NRP2: variants seen among roughly 807,000 people sequenced by gnomAD.
NRP2 encodes neuropilin-2.
In NRP2, 52 loss-of-function variants were observed where a neutral mutation model predicts 110.4. The observed-to-expected ratio is 0.47, with a 90% CI of 0.38 to 0.59. NRP2 has a LOEUF of 0.59. Ranked by LOEUF, NRP2 falls within the 20% of genes least tolerant of loss-of-function variation. The pLI, the probability that NRP2 is intolerant of heterozygous loss-of-function variation, is 0.00. For synonymous variants in NRP2, 508 were observed against 468.9 expected, an observed-to-expected ratio of 1.08 and a Z score of -1.08; for missense variants, 1,049 against 1,203.0, an observed-to-expected ratio of 0.87 and a Z score of 1.89.
chr2:205,784,368 C>T (rs1486783681), intron 15 of NRP2, among the ~76,000 whole-genome samples: 1 of 152,228 alleles, frequency 6.6e-6, no homozygotes, highest in African/African-American at 2.4e-5. Flanking sequence ...TGTTTTCTTG[C>T]TGCCACCCAG....
chr2:205,714,398 G>A (rs1162782480), intron 2 of NRP2, among the ~76,000 whole-genome samples: 1 of 152,050 alleles, frequency 6.6e-6, no homozygotes, highest in African/African-American at 2.4e-5. Flanking sequence ...GGGTAGCAGA[G>A]CCTCTCAACC....
intron 12 of NRP2, among the ~76,000 whole-genome samples, chr2:205,755,205 G>C (rs1251647926): frequency 6.6e-6 from 1 of 152,136 alleles, no homozygotes; most frequent in Non-Finnish European, 1.5e-5. Flanking sequence ...CCTTCCAGTT[G>C]ATTCATTATA....
intron 1 of NRP2, among the ~76,000 whole-genome samples, chr2:205,690,007 C>T (rs1293563631): frequency 6.6e-6 from 1 of 152,170 alleles, no homozygotes; most frequent in African/African-American, 2.4e-5. Context: ...GAGAAGCTCT[C>T]GGTAGCACAG....
chr2:205,711,537 G>C (rs2056798611), intron 2 of NRP2, among the ~76,000 whole-genome samples: 1 of 152,146 alleles, frequency 6.6e-6, no homozygotes, highest in Admixed American at 6.5e-5. Context: ...GCAGAGGAAA[G>C]AGCGCTTGCA....
At chr2:205,742,045 G>C (rs1178130549) in intron 8 of NRP2, among the ~76,000 whole-genome samples, 1 of 152,184 alleles carries the variant, frequency 6.6e-6, no homozygotes, top group Admixed American at 6.5e-5. Context: ...CTGTCTAGGG[G>C]ACTATTTTCT....
intron 10 of NRP2, 26 bp downstream of exon 10, chr2:205,745,916 C>T: frequency 6.2e-7 from 1 of 1,613,554 alleles, no homozygotes; most frequent in South Asian, 1.1e-5. Flanking sequence ...CTCCTCTTTG[C>T]ATCTCACCCA....
In NRP2 at chr2:205,796,951, G is replaced by A. The variant is rs899593243; in HGVS notation, c.*1893G>A. 1 of 152,672 alleles carries A rather than the reference G, an allele frequency of 6.5e-6. No homozygotes were observed. The highest frequency in any genetic ancestry group is 2.4e-5 in the African/African-American group (1 of 41,452). The allele number at this position is 152,672 out of a possible 1,614,324, so 9.5% of individuals were successfully genotyped here. On this transcript the variant is annotated 3_prime_UTR_variant, in exon 17 of 17. Transcript: ENST00000357785. Reference sequence around the variant, plus strand: ...CTGGTTCCTTTAAATGTTAACTTATGGAAATGCTAGTTCAAATGGTAATGT... The same window carrying A: ...CTGGTTCCTTTAAATGTTAACTTATAGAAATGCTAGTTCAAATGGTAATGT...
Position 205,797,316 on chromosome 2 carries a change from T to A in NRP2, c.*2258T>A, listed in dbSNP as rs2058359390. 1 of 152,416 alleles carries A rather than the reference T, an allele frequency of 6.6e-6. No homozygotes were observed. The highest frequency in any genetic ancestry group is 2.4e-5 in the African/African-American group (1 of 41,474). The allele number at this position is 152,416 out of a possible 1,614,324, so 9.4% of individuals were successfully genotyped here. A position where few individuals can be genotyped will look rare whatever the true frequency, so the allele number is the denominator to read the frequency against. On this transcript the variant is annotated 3_prime_UTR_variant, in exon 17 of 17. Coordinates refer to ENST00000357785, the MANE Select transcript of NRP2 (RefSeq NM_003872.3). Reference sequence around the variant, plus strand: ...CCATGATGCGCAGTGTTCAGAAAGCTGGTAAGTCCTAGGGATTTCCAGAAG... The same window carrying A: ...CCATGATGCGCAGTGTTCAGAAAGCAGGTAAGTCCTAGGGATTTCCAGAAG...
intron 1 of NRP2, among the ~76,000 whole-genome samples, chr2:205,689,918 T>A (rs2056269709): frequency 6.6e-6 from 1 of 152,192 alleles, no homozygotes; most frequent in Admixed American, 6.5e-5. Flanking sequence ...AGGGTCTTAA[T>A]AATCCCATTT....
chr2:205,721,608 C>T (rs1280103752), intron 3 of NRP2, among the ~76,000 whole-genome samples: 2 of 152,176 alleles, frequency 1.3e-5, no homozygotes, highest in Non-Finnish European at 2.9e-5. Flanking sequence ...GTTCCTGCTC[C>T]TGCTGCCATC....
rs1575643514 is a variant in NRP2, at chr2:205,760,851, C to T, written c.2045-2823C>T. ...CCTGCCGCTTAAGAATGTAAATTCA[C>T]ACAAGTGACAGTATCTCTGCCAAAC... On this transcript the variant is annotated intron_variant, in intron 12 of 16. Transcript: ENST00000357785. The T allele has an allele frequency of 3.9e-5, 6 of 152,310 alleles. 1 individual carries two copies. Among genetic ancestry groups the T allele is most frequent in the Admixed American group, 3.9e-4 (6 of 15,302 alleles). 9.4% of individuals were successfully genotyped at this position (152,310 alleles called of 1,614,324 possible).
chr2:205,712,951 T>A (rs1559319607), intron 2 of NRP2, among the ~76,000 whole-genome samples: 1 of 152,174 alleles, frequency 6.6e-6, no homozygotes, highest in Non-Finnish European at 1.5e-5. Context: ...AGAGAAAAAA[T>A]TTATAGTATG....
intron 15 of NRP2, among the ~76,000 whole-genome samples, chr2:205,782,235 C>T (rs1488983785): frequency 2.0e-5 from 3 of 152,002 alleles, no homozygotes; most frequent in Non-Finnish European, 4.4e-5. Flanking sequence ...CCTGAGAGCC[C>T]CAAAAAGCTA....
chr2:205,745,217 G>A (rs1457590198), intron 9 of NRP2, among the ~76,000 whole-genome samples: 2 of 152,160 alleles, frequency 1.3e-5, no homozygotes, highest in African/African-American at 4.8e-5. Context: ...TAAGACTATC[G>A]ATGTGTGACC....
At chr2:205,785,802 T>C (rs2058229663) in intron 15 of NRP2, among the ~76,000 whole-genome samples, 1 of 152,226 alleles carries the variant, frequency 6.6e-6, no homozygotes, top group Non-Finnish European at 1.5e-5. Flanking sequence ...GTATTTCCAA[T>C]TCTTTTTAGT....
chr2:205,758,120 A>T (rs1287445625), intron 12 of NRP2, among the ~76,000 whole-genome samples: 1 of 152,240 alleles, frequency 6.6e-6, no homozygotes, highest in African/African-American at 2.4e-5. Flanking sequence ...TGCTAAGTTT[A>T]TCCAAAGTCA....
chr2:205,758,221 C>T (rs760667482), intron 12 of NRP2, among the ~76,000 whole-genome samples: 19 of 152,344 alleles, frequency 1.2e-4, no homozygotes, highest in Admixed American at 8.5e-4. Flanking sequence ...ATGTTTTAAG[C>T]ATGGACTATG....
chr2:205,770,137 G>T (rs1365813928), intron 15 of NRP2, among the ~76,000 whole-genome samples: 1 of 152,292 alleles, frequency 6.6e-6, no homozygotes, highest in East Asian at 1.9e-4. Context: ...GAAGGTGGTT[G>T]TCAGAGGGAA....
At chr2:205,751,644 C>A (rs975998619) in intron 11 of NRP2, among the ~76,000 whole-genome samples, 6 of 152,154 alleles carry the variant, frequency 3.9e-5, no homozygotes, top group African/African-American at 1.4e-4. Context: ...TCTTCCTCCT[C>A]CCTCTGACGC....
Sources: gnomAD v4.1 joint callset for allele counts (sites outside exome capture counted in the v4.1 genomes callset) on GRCh38, gnomAD v4.1.1 for gene constraint, MANE v1.5 for transcripts, NCBI Gene and HGNC (gene_info 2026-07-23, HGNC 2026-07-21) for gene names.